Variants in TRHDE observed in about 807,000 individuals in gnomAD.
The protein encoded by TRHDE is thyrotropin releasing hormone degrading enzyme.
Under a neutral mutation model 125.7 loss-of-function variants are expected in TRHDE, and 72 were observed. The observed-to-expected ratio is 0.57, with a 90% CI of 0.47 to 0.70. The LOEUF (loss-of-function observed/expected upper bound fraction) is 0.70, where lower values mean the gene tolerates loss of function less well. Among genes scored for constraint, TRHDE ranks in the 30% least tolerant of loss-of-function variants. The probability of loss-of-function intolerance (pLI) is 0.00; values close to 1 mark genes in which losing one functional copy is unlikely to be tolerated. For missense variants in TRHDE, 1,110 were observed against 1,327.1 expected, an observed-to-expected ratio of 0.84 and a Z score of 2.54; for synonymous variants, 509 against 509.1, an observed-to-expected ratio of 1.00 and a Z score of 0.00.
rs1372509034 is a variant in TRHDE at position 72,128,526 on chromosome 12, A to G, written n.279+22774A>G. Among the ~76,000 whole-genome samples the G allele has an allele frequency of 3.9e-5, 6 of 152,352 alleles. No individual in the cohort carries two copies. The East Asian group carries it at 1.2e-3, about 29-fold the overall frequency. ...TTTTTTTAGACAAGGACATTAAAGC[A>G]ATGATTAAACTACGTCATATGTTCA... On this transcript the variant is annotated intron_variant and non_coding_transcript_variant, in intron 2 of 4. Coordinates refer to the TRHDE transcript ENST00000548156.
At chr12:72,612,838 A>G (rs562215373) in intron 12 of TRHDE, among the ~76,000 whole-genome samples, 4 of 152,254 alleles carry the variant, frequency 2.6e-5, no homozygotes, top group Non-Finnish European at 4.4e-5. Context: ...CTCGCAATTA[A>G]TGGTCAGACA....
At chr12:72,159,337 G>A (rs1222317230) in intron 2 of TRHDE, among the ~76,000 whole-genome samples, 2 of 152,168 alleles carry the variant, frequency 1.3e-5, no homozygotes, top group Non-Finnish European at 2.9e-5. Flanking sequence ...CTTTGTAGAG[G>A]AAGATCAGGA....
intron 12 of TRHDE, among the ~76,000 whole-genome samples, chr12:72,597,723 A>G (rs1360913049): frequency 6.9e-4 from 4 of 5,790 alleles, no homozygotes; most frequent in East Asian, 0.015. Context: ...GTATATATAT[A>G]TATATATATA....
At chr12:72,196,594 C>T (rs926712572) in intron 2 of TRHDE, among the ~76,000 whole-genome samples, 5 of 152,066 alleles carry the variant, frequency 3.3e-5, no homozygotes, top group Admixed American at 3.3e-4. Flanking sequence ...TAAAACTTCA[C>T]TTTGATTATA....
At chr12:72,578,989 T>TTTTC (rs1871124646) in intron 12 of TRHDE, among the ~76,000 whole-genome samples, 2 of 151,454 alleles carry the variant, frequency 1.3e-5, no homozygotes, top group South Asian at 4.1e-4. Context: ...TTAGTGTTTT[T>TTTTC]TTTTTTTTTA....
intron 2 of TRHDE, among the ~76,000 whole-genome samples, chr12:72,259,459 T>G (rs1878896954): frequency 6.6e-6 from 1 of 152,166 alleles, no homozygotes; most frequent in African/African-American, 2.4e-5. Context: ...AACTCTTGTT[T>G]CTTATAGTGG....
At chr12:72,479,159 T>G (rs1230021360) in intron 5 of TRHDE, among the ~76,000 whole-genome samples, 1 of 152,158 alleles carries the variant, frequency 6.6e-6, no homozygotes, top group East Asian at 1.9e-4. Flanking sequence ...GGACAATCTT[T>G]GTTAATTGTT....
intron 2 of TRHDE, among the ~76,000 whole-genome samples, chr12:72,372,486 A>C (rs1467719324): frequency 6.6e-6 from 1 of 152,202 alleles, no homozygotes; most frequent in African/African-American, 2.4e-5. Context: ...CTGAATGGTA[A>C]TGCCTAGGTT....
chr12:72,579,862 A>G (rs1871155109), intron 12 of TRHDE, among the ~76,000 whole-genome samples: 1 of 152,136 alleles, frequency 6.6e-6, no homozygotes, highest in African/African-American at 2.4e-5. Flanking sequence ...TGGATTTGAA[A>G]TGATATCTTT....
chr12:72,166,124 A>T (rs931672002), intron 2 of TRHDE, among the ~76,000 whole-genome samples: 3 of 152,192 alleles, frequency 2.0e-5, no homozygotes, highest in African/African-American at 7.2e-5. Flanking sequence ...ACAGTGCAAT[A>T]CTGTACTGAG....
intron 6 of TRHDE, among the ~76,000 whole-genome samples, chr12:72,517,004 A>T (rs944195269): frequency 1.3e-5 from 2 of 152,084 alleles, no homozygotes; most frequent in African/African-American, 2.4e-5. Context: ...CCACTTGATC[A>T]TGGTGGATAA....
Position 72,400,349 on chromosome 12 carries a change from G to A in TRHDE, c.1315+22228G>A, listed in dbSNP as rs776136185. On this transcript the variant is annotated intron_variant, in intron 3 of 18. Transcript: ENST00000261180. ...CTAGGTGTTGGTATTAATTACTGTT[G>A]GTACGAGCAATTCTTTTGCTCAAAG... Among the ~76,000 whole-genome samples the A allele has an allele frequency of 7.2e-5, 11 of 152,186 alleles. 1 individual carries two copies. In the South Asian group the frequency reaches 2.1e-3, roughly 29 times the overall value.
At chr12:72,239,535 T>TAGATTTTAAAGGTAA (rs1878433246) in intron 2 of TRHDE, among the ~76,000 whole-genome samples, 1 of 152,124 alleles carries the variant, frequency 6.6e-6, no homozygotes, top group Non-Finnish European at 1.5e-5. Flanking sequence ...AGATCCTTGA[T>TAGATTTTAAAGGTAA]AGATTTTAAA....
At chr12:72,444,376 TC>T (rs1198040009) in intron 3 of TRHDE, among the ~76,000 whole-genome samples, 1 of 151,874 alleles carries the variant, frequency 6.6e-6, no homozygotes. Context: ...AGCTCAAAGT[TC>T]TGCTTAATTT....
intron 2 of TRHDE, among the ~76,000 whole-genome samples, chr12:72,109,126 T>C (rs767774611): frequency 6.6e-6 from 1 of 152,092 alleles, no homozygotes; most frequent in Non-Finnish European, 1.5e-5. Flanking sequence ...GCCTACTATG[T>C]GCTAGGCAAT....
chr12:72,480,111 C>T (rs556855050), intron 5 of TRHDE, among the ~76,000 whole-genome samples: 5,397 of 150,768 alleles, frequency 0.036, 168 homozygotes, highest in African/African-American at 0.12. Flanking sequence ...TGAATAGTGC[C>T]GCAATAAACA....
intron 13 of TRHDE, among the ~76,000 whole-genome samples, chr12:72,619,412 T>C (rs933526447): frequency 5.9e-5 from 9 of 152,168 alleles, no homozygotes; most frequent in Non-Finnish European, 1.3e-4. Context: ...GTAATGATTC[T>C]TAGTCATTAT....
chr12:72,515,962 C>T (rs1456668529), intron 6 of TRHDE, among the ~76,000 whole-genome samples: 1 of 131,216 alleles, frequency 7.6e-6, no homozygotes, highest in South Asian at 2.2e-4. Context: ...AGATATGTGG[C>T]GCTATTTCTG....
At position 72,273,148 on chromosome 12, in the gene TRHDE, C is replaced by G; in HGVS notation, c.505C>G (p.Pro169Ala). ...VASPGTTSAQ[P>A]PSEEEREPWE... The stretch of plus-strand genomic sequence containing the variant: ...CAGTCCGGGGACCACGTCGGCCCAG[C>G]CGCCGTCGGAGGAGGAGCGGGAGCC... The change falls in exon 1 of 19, where the codon CCG (proline) becomes GCG (alanine). Residue 169 changes from proline (P) to alanine (A), a missense_variant. Coordinates refer to ENST00000261180, the MANE Select transcript of TRHDE (RefSeq NM_013381.3). This position sits in a 1 kb window ranked among gnomAD's most constrained non-coding sequence, Gnocchi z 5.3. 2.5e-6 allele frequency: 4 copies of G among 1,569,230 alleles called. No homozygotes were observed. Among genetic ancestry groups the G allele is most frequent in the Non-Finnish European group, 3.5e-6 (4 of 1,156,106 alleles).
Sources: gnomAD v4.1 joint callset for allele counts (sites outside exome capture counted in the v4.1 genomes callset) on GRCh38, gnomAD v4.1.1 for gene constraint, Gnocchi (gnomAD v3.1) non-coding constraint, MANE v1.5 for transcripts, NCBI Gene and HGNC (gene_info 2026-07-23, HGNC 2026-07-21) for gene names.